GIPC2: variants seen among roughly 807,000 people sequenced by gnomAD.
GIPC2 encodes the protein PDZ domain-containing protein GIPC2.
A neutral mutation model predicts 30.6 loss-of-function variants in GIPC2; 30 were observed. The observed-to-expected ratio is 0.98, with a 90% CI of 0.73 to 1.33. The LOEUF (loss-of-function observed/expected upper bound fraction) is 1.33. Among genes scored for constraint, GIPC2 ranks in the 40% most tolerant of loss-of-function variants. The probability of loss-of-function intolerance (pLI) is 0.00; values close to 1 mark genes in which losing one functional copy is unlikely to be tolerated. For missense variants in GIPC2, 414 were observed against 390.3 expected, an observed-to-expected ratio of 1.06 and a Z score of -0.51; for synonymous variants, 167 against 150.0, an observed-to-expected ratio of 1.11 and a Z score of -0.83.
chr1:78,123,278 AG>A (rs1320994573), intron 4 of GIPC2, among the ~76,000 whole-genome samples: 6,866 of 141,602 alleles, frequency 0.048, 747 homozygotes, highest in African/African-American at 0.12. Flanking sequence ...AAAAAAAAAA[AG>A]GGTCAGGAAG....
chr1:78,057,028 C>T (rs923130035), intron 1 of GIPC2, among the ~76,000 whole-genome samples: 2 of 152,078 alleles, frequency 1.3e-5, no homozygotes, highest in East Asian at 1.9e-4. Context: ...CACTGTATTT[C>T]CTATAAATTA....
chr1:78,106,963 A>G (rs1206597514), intron 3 of GIPC2, among the ~76,000 whole-genome samples: 1 of 152,160 alleles, frequency 6.6e-6, no homozygotes, highest in African/African-American at 2.4e-5. Flanking sequence ...GGCATGAGCC[A>G]CTGTGCCCGG....
chr1:78,093,651 G>A (rs1283259093), intron 2 of GIPC2, among the ~76,000 whole-genome samples: 1 of 152,134 alleles, frequency 6.6e-6, no homozygotes, highest in Non-Finnish European at 1.5e-5. Flanking sequence ...TTTTCTCCTA[G>A]CTCTTGGACA....
At position 78,046,252 on chromosome 1, in the gene GIPC2, C is replaced by G; in HGVS notation, c.158C>G (p.Ala53Gly). ...VFHAQLAHGS[A>G]TGRVEGFSSI... ...CACGCGCAGCTGGCGCACGGTAGTGCCACGGGCCGAGTGGAGGGCTTCTCC... is the reference window on the plus strand; with the variant it reads ...CACGCGCAGCTGGCGCACGGTAGTGGCACGGGCCGAGTGGAGGGCTTCTCC... Residue 53 changes from alanine (A) to glycine (G), a missense_variant, in exon 1 of 6, where the codon GCC becomes GGC. Ala to Gly is a moderately conservative substitution (Grantham distance 60, BLOSUM62 0). Coordinates refer to ENST00000370759, the MANE Select transcript of GIPC2 (RefSeq NM_017655.6). 6.2e-7 allele frequency: 1 copy of G among 1,610,398 alleles called. No homozygotes were observed. Among genetic ancestry groups the G allele is most frequent in the East Asian group, 2.2e-5 (1 of 44,620 alleles).
At chr1:78,091,490 G>A in intron 2 of GIPC2, 2 of 688,592 alleles carry the variant, frequency 2.9e-6, no homozygotes, top group East Asian at 2.6e-5. Context: ...TTCACCTCCC[G>A]CTGCGCTAAT....
chr1:78,067,321 T>G (rs948841487), intron 1 of GIPC2, among the ~76,000 whole-genome samples: 5 of 152,182 alleles, frequency 3.3e-5, no homozygotes, highest in Non-Finnish European at 5.9e-5. Flanking sequence ...ATAGGTCTGT[T>G]GTGAGAATTA....
Position 78,080,838 on chromosome 1 carries a change from G to T in GIPC2, c.404G>T (p.Gly135Val). Reference sequence around the variant, plus strand: ...CTTGGTCTCACCATTACAGATAATGGTGTTGGCTATGCTTTTATAAAGGTA... The same window carrying T: ...CTTGGTCTCACCATTACAGATAATGTTGTTGGCTATGCTTTTATAAAGGTA... The part of the protein sequence containing the change: ...DSLGLTITDN[G>V]VGYAFIKRIK... The change falls in exon 2 of 6, where the codon GGT (glycine) becomes GTT (valine). Residue 135 changes from glycine to valine, a missense_variant. Coordinates refer to ENST00000370759, the MANE Select transcript of GIPC2 (RefSeq NM_017655.6). 6.3e-7 allele frequency: 1 copy of T among 1,598,298 alleles called. No individual in the cohort carries two copies. The highest frequency in any genetic ancestry group is 8.5e-7 in the Non-Finnish European group (1 of 1,171,216).
At chr1:78,077,580 G>A (rs926897464) in intron 1 of GIPC2, among the ~76,000 whole-genome samples, 1 of 152,148 alleles carries the variant, frequency 6.6e-6, no homozygotes, top group African/African-American at 2.4e-5. Context: ...CTTACGTTGT[G>A]TGATACCTTG....
At chr1:78,079,792 A>G (rs2100344550) in intron 1 of GIPC2, among the ~76,000 whole-genome samples, 2 of 152,288 alleles carry the variant, frequency 1.3e-5, no homozygotes, top group Middle Eastern at 3.4e-3. Flanking sequence ...ATGGTTGACA[A>G]ACTTGAGTAG....
chr1:78,106,024 C>A (rs1310017910), intron 3 of GIPC2, among the ~76,000 whole-genome samples: 6 of 151,118 alleles, frequency 4.0e-5, no homozygotes, highest in African/African-American at 4.9e-5. Context: ...CACCTGAGGT[C>A]AGGAGTTTGA....
In GIPC2 at chr1:78,119,471, CA is replaced by C. The variant is rs761778615; in HGVS notation, c.690del (p.Gly231ValfsTer35). ...GGAAGGGCAACACTTCGCCTGAGAT[CA>C]AAAGGTCCTGCCACCGTGGAAGAAA... ...GCGRATLRLR[S>X]KGPATVEEMP... On this transcript the variant is annotated frameshift_variant, in exon 4 of 6. Transcript: ENST00000370759. LOFTEE classifies it high-confidence loss of function. 3 of 1,610,540 alleles carry C rather than the reference CA, an allele frequency of 1.9e-6. No individual in the cohort carries two copies. The highest frequency in any genetic ancestry group is 2.7e-5 in the African/African-American group (2 of 74,848).
chr1:78,048,924 C>T (rs1661146137), intron 1 of GIPC2, among the ~76,000 whole-genome samples: 2 of 152,066 alleles, frequency 1.3e-5, no homozygotes, highest in Admixed American at 1.3e-4. Flanking sequence ...CCCAGTTTTA[C>T]CATGTTTATG....
In GIPC2 at chr1:78,135,618, G is replaced by A. The variant is rs768222518; in HGVS notation, c.823G>A (p.Asp275Asn). Residue 275 changes from aspartate to asparagine, a missense_variant, in exon 6 of 6, where the codon GAC becomes AAC. By Grantham distance (23) the Asp-to-Asn change is conservative. Coordinates refer to ENST00000370759, the MANE Select transcript of GIPC2 (RefSeq NM_017655.6). ...CACCACAATGTTTGAAGCTGGAAAG[G>A]ACAAAGTAAATCCAGATGAATTTGC... ...LATTMFEAGKDKVNPDEFAVA... is the reference protein window; with the variant it reads ...LATTMFEAGKNKVNPDEFAVA... The A allele has an allele frequency of 3.8e-6, 6 of 1,596,534 alleles. No individual in the cohort carries two copies. The Admixed American group carries it at 1.0e-4, about 27-fold the overall frequency.
chr1:78,046,122 A>G lies in GIPC2; in HGVS notation c.28A>G (p.Lys10Glu), dbSNP rs933844814. 1.0e-5 allele frequency: 15 copies of G among 1,493,306 alleles called. No homozygotes were observed. Among genetic ancestry groups the G allele is most frequent in the African/African-American group, 8.8e-5 (6 of 67,854 alleles). The allele number at this position is 1,493,306 out of a possible 1,614,324, so 92.5% of individuals were successfully genotyped here. ...GCCCCTGAAGCTGCGGGGGAAGAAG[A>G]AGGCCAAGTCCAAGGAGACCGCCGG... Reference protein sequence around the residue: MPLKLRGKKKAKSKETAGLV... With the variant: MPLKLRGKKEAKSKETAGLV... Residue 10 changes from lysine (K) to glutamate (E), a missense_variant, in exon 1 of 6, where the codon AAG (lysine) becomes GAG (glutamate). Coordinates refer to ENST00000370759, the MANE Select transcript of GIPC2 (RefSeq NM_017655.6).
At chr1:78,100,823 G>A (rs76985838) in intron 3 of GIPC2, among the ~76,000 whole-genome samples, 10 of 151,658 alleles carry the variant, frequency 6.6e-5, no homozygotes, top group Admixed American at 6.6e-5. Flanking sequence ...TCAGTTGCTC[G>A]GGAGGCTGAG....
intron 1 of GIPC2, among the ~76,000 whole-genome samples, chr1:78,075,311 C>T (rs1213448602): frequency 6.6e-6 from 1 of 152,050 alleles, no homozygotes; most frequent in Non-Finnish European, 1.5e-5. Flanking sequence ...AAAAAATTAG[C>T]TGTGTTTGGT....
At chr1:78,045,937 G>A, upstream of GIPC2, 1 of 1,356,866 alleles carries the variant, frequency 7.4e-7, no homozygotes, top group Non-Finnish European at 9.4e-7. Flanking sequence ...GTCCAGGGGT[G>A]GAGGTCGGGG....
At chr1:78,048,596 A>T (rs986259199) in intron 1 of GIPC2, among the ~76,000 whole-genome samples, 2 of 151,974 alleles carry the variant, frequency 1.3e-5, no homozygotes, top group African/African-American at 4.8e-5. Context: ...CTGGCTAATT[A>T]AAAAAACTTT....
chr1:78,051,868 C>A (rs1661204129), intron 1 of GIPC2, among the ~76,000 whole-genome samples: 1 of 152,200 alleles, frequency 6.6e-6, no homozygotes, highest in African/African-American at 2.4e-5. Context: ...GACAAACCTT[C>A]TTTTGACACC....
Sources: allele counts gnomAD v4.1 joint callset (sites outside exome capture counted in the v4.1 genomes callset), GRCh38; gene constraint gnomAD v4.1.1; transcripts MANE v1.5; gene names NCBI Gene and HGNC (gene_info 2026-07-23, HGNC 2026-07-21).